Variants in ACAD9 observed in about 807,000 individuals in gnomAD.
ACAD9 encodes the protein acyl-CoA dehydrogenase family member 9.
ACAD9 carries 53 observed loss-of-function variants against 70.2 expected under a neutral mutation model. The ratio of observed to expected loss-of-function variants is 0.75; its 90% CI spans 0.61 to 0.95. The LOEUF is 0.95. Among genes scored for constraint, ACAD9 ranks in the 40% least tolerant of loss-of-function variants. ACAD9 has a pLI of 0.00. For synonymous variants in ACAD9, 313 were observed against 312.1 expected, an observed-to-expected ratio of 1.00 and a Z score of -0.03; for missense variants, 777 against 802.8, an observed-to-expected ratio of 0.97 and a Z score of 0.39.
At chr3:128,883,149 T>C (rs1935142518) in intron 1 of ACAD9, among the ~76,000 whole-genome samples, 1 of 149,986 alleles carries the variant, frequency 6.7e-6, no homozygotes, top group Admixed American at 6.7e-5. Flanking sequence ...AGTGCAGTGG[T>C]GCAATCACAG....
In ACAD9 at chr3:128,901,161, C is replaced by T. The variant is rs76439060; in HGVS notation, c.809-115C>T. The T allele has an allele frequency of 2.0e-3, 1,887 of 963,372 alleles. 29 individuals are homozygous for T. In the East Asian group the frequency reaches 0.044, roughly 23 times the overall value. The allele number at this position is 963,372 out of a possible 1,614,324, so 59.7% of individuals were successfully genotyped here. ...TAGGAACTTTGTCTTTCTATACTGT[C>T]CTACCAAACATTGGATGGATGGATG... is the stretch of plus-strand genomic sequence containing the variant. On this transcript the variant is annotated intron_variant, in intron 7 of 17. Transcript: ENST00000308982.
chr3:128,908,289 T>C (rs1202509427), intron 13 of ACAD9, 25 bp downstream of exon 13: 1 of 1,613,638 alleles, frequency 6.2e-7, no homozygotes, highest in African/African-American at 1.3e-5. Context: ...CACCGTGTGC[T>C]TCTCAGGTCC....
intron 9 of ACAD9, among the ~76,000 whole-genome samples, chr3:128,903,498 T>C (rs1461661791): frequency 6.6e-6 from 1 of 152,128 alleles, no homozygotes; most frequent in Non-Finnish European, 1.5e-5. Flanking sequence ...GGAGAGCCTG[T>C]GGAGGACATG....
Position 128,910,075 on chromosome 3 carries a change from C to T in ACAD9, c.1618C>T (p.Leu540=). ...GCGGGTGGCCAACATCCTCATCAACCTGTATGGCATGACGGCCGTGCTGTC... is the reference window on the plus strand; with the variant it reads ...GCGGGTGGCCAACATCCTCATCAACTTGTATGGCATGACGGCCGTGCTGTC... ...LKRVANILIN[L]YGMTAVLSRA... The change falls in exon 16 of 18, where the codon CTG becomes TTG. Residue 540 remains leucine, a synonymous_variant. Transcript: ENST00000308982. 6.2e-7 allele frequency: 1 copy of T among 1,614,060 alleles called. No individual in the cohort carries two copies. Among genetic ancestry groups the T allele is most frequent in the Non-Finnish European group, 8.5e-7 (1 of 1,180,010 alleles).
intron 1 of ACAD9, among the ~76,000 whole-genome samples, chr3:128,881,804 GT>G (rs1408632305): frequency 1.5e-4 from 23 of 152,170 alleles, no homozygotes; most frequent in African/African-American, 5.6e-4. Context: ...ATACTTCTCT[GT>G]GTCCATTGCT....
rs1203175035 is a variant in ACAD9 at position 128,902,163 on chromosome 3, T to G, written c.883-390T>G. Among the ~76,000 whole-genome samples, 1 of 152,366 alleles carries G rather than the reference T, an allele frequency of 6.6e-6. No individual in the cohort carries two copies. Among genetic ancestry groups the G allele is most frequent in the East Asian group, 1.9e-4 (1 of 5,192 alleles). On this transcript the variant is annotated intron_variant, in intron 8 of 17. Transcript: ENST00000308982. This position sits in a 1 kb window ranked among gnomAD's most constrained non-coding sequence, Gnocchi z 4.0. ...TGGCTGCTATCAGTAATGCTACTTA[T>G]GAACATTCATGTCAAGTTTTAATGT...
At chr3:128,885,574 CAT>C (rs1935221621) in intron 2 of ACAD9, among the ~76,000 whole-genome samples, 1 of 152,026 alleles carries the variant, frequency 6.6e-6, no homozygotes, top group African/African-American at 2.4e-5. Flanking sequence ...TTGTATTTTT[CAT>C]AGAGACAGGT....
At chr3:128,907,423 T>C (rs1445785286) in intron 12 of ACAD9, among the ~76,000 whole-genome samples, 1 of 152,164 alleles carries the variant, frequency 6.6e-6, no homozygotes, top group East Asian at 1.9e-4. Context: ...TCAGCAGGGT[T>C]CAGGAAGCCC....
chr3:128,895,490 G>A (rs1051448150), intron 4 of ACAD9, 74 bp downstream of exon 4: 1 of 1,393,142 alleles, frequency 7.2e-7, no homozygotes, highest in Non-Finnish European at 1.0e-6. Flanking sequence ...AGAGGCCAGA[G>A]GCTTGCTCCC....
chr3:128,905,105 G>A (rs1487908167), intron 11 of ACAD9, among the ~76,000 whole-genome samples: 1 of 152,030 alleles, frequency 6.6e-6, no homozygotes, highest in Non-Finnish European at 1.5e-5. Context: ...CCGAGGTTGT[G>A]CCATTGCACA....
rs145957270 is a variant in ACAD9 at position 128,880,342 on chromosome 3, G to C, written c.150+501G>C. ...ACAACCCAGCCAATAGTAACAGTTT[G>C]GTTATAAAACACTCATTGTCTTCTT... On this transcript the variant is annotated intron_variant, in intron 1 of 17. Transcript: ENST00000308982. 2.6e-5 allele frequency among the ~76,000 whole-genome samples: 4 copies of C among 152,286 alleles called. No homozygotes were observed. In the East Asian group the frequency reaches 7.7e-4, roughly 29 times the overall value.
chr3:128,911,737 C>T (rs1936349232), intron 17 of ACAD9, among the ~76,000 whole-genome samples: 1 of 152,258 alleles, frequency 6.6e-6, no homozygotes, highest in Non-Finnish European at 1.5e-5. Flanking sequence ...CCACTGTGCC[C>T]AGCCCTGGCT....
At chr3:128,887,644 AATATATATATAT>A (rs71153150) in intron 2 of ACAD9, among the ~76,000 whole-genome samples, 1 of 133,096 alleles carries the variant, frequency 7.5e-6, no homozygotes, top group African/African-American at 2.9e-5. Flanking sequence ...AAAATAAATA[AATATATATATAT>A]ATATATATAT....
chr3:128,890,412 T>A (rs13434201), intron 2 of ACAD9, among the ~76,000 whole-genome samples: 20,100 of 152,008 alleles, frequency 0.13, 2,127 homozygotes, highest in African/African-American at 0.29. Flanking sequence ...TTAGAAACTT[T>A]ATAGTTTTGG....
In ACAD9 at chr3:128,906,071, C is replaced by T. The variant is rs775511403; in HGVS notation, c.1150-50C>T. ...CATGCCTCCCCAGCCACCCAGCTCC[C>T]TGCAGCGTAGGTCCTCCTTTTGGAA... On this transcript the variant is annotated intron_variant, in intron 11 of 17. Transcript: ENST00000308982. 7.4e-6 allele frequency: 12 copies of T among 1,613,468 alleles called. No individual in the cohort carries two copies. The African/African-American group carries it at 1.1e-4, about 14-fold the overall frequency.
chr3:128,880,709 A>G (rs1216872618), intron 1 of ACAD9, among the ~76,000 whole-genome samples: 1 of 152,160 alleles, frequency 6.6e-6, no homozygotes, highest in Non-Finnish European at 1.5e-5. Context: ...TTTCAGCCTT[A>G]AAATGGAGAT....
In ACAD9 at chr3:128,879,737, G is replaced by A. The variant is rs769624733; in HGVS notation, c.46G>A (p.Ala16Thr). 3.1e-6 allele frequency: 5 copies of A among 1,612,734 alleles called. No individual in the cohort carries two copies. The highest frequency in any genetic ancestry group is 3.4e-6 in the Non-Finnish European group (4 of 1,179,966). The stretch of plus-strand genomic sequence containing the variant: ...CCTGCGCACCACGGCTGCGGCTCGT[G>A]CCTGCCGGGGTCTGGTGGTCTCTAC... ...LFLRTTAAARACRGLVVSTAN... is the reference protein window; with the variant it reads ...LFLRTTAAARTCRGLVVSTAN... The change falls in exon 1 of 18, where the codon GCC (alanine) becomes ACC (threonine). Residue 16 changes from alanine (A) to threonine (T), a missense_variant. Transcript: ENST00000308982.
intron 7 of ACAD9, among the ~76,000 whole-genome samples, chr3:128,900,961 C>G (rs1480778924): frequency 6.6e-6 from 1 of 152,132 alleles, no homozygotes; most frequent in East Asian, 1.9e-4. Flanking sequence ...TAAATGTCAC[C>G]TTAGAAAAGT....
At position 128,895,487 on chromosome 3, in the gene ACAD9, A is replaced by G. The variant is rs567711851; in HGVS notation, c.453+71A>G. 9 of 1,406,642 alleles carry G rather than the reference A, an allele frequency of 6.4e-6. No individual in the cohort carries two copies. In the African/African-American group the frequency reaches 1.1e-4, roughly 18 times the overall value. The allele number at this position is 1,406,642 out of a possible 1,614,324, so 87.1% of individuals were successfully genotyped here. On this transcript the variant is annotated intron_variant, in intron 4 of 17. Coordinates refer to ENST00000308982, the MANE Select transcript of ACAD9 (RefSeq NM_014049.5). ...GGAGTCACATGGAGGCATAGAGGCC[A>G]GAGGCTTGCTCCCTCTGAATTGGGC...
Sources: gnomAD v4.1 joint callset for allele counts (sites outside exome capture counted in the v4.1 genomes callset) on GRCh38, gnomAD v4.1.1 for gene constraint, Gnocchi (gnomAD v3.1) non-coding constraint, MANE v1.5 for transcripts, NCBI Gene and HGNC (gene_info 2026-07-23, HGNC 2026-07-21) for gene names.